C10orf90: variants seen among roughly 807,000 people sequenced by gnomAD.
C10orf90 encodes the protein (E2-independent) E3 ubiquitin-conjugating enzyme FATS.
C10orf90 carries 56 observed loss-of-function variants against 62.5 expected under a neutral mutation model. The observed-to-expected ratio is 0.90, with a 90% confidence interval of 0.72 to 1.12. The LOEUF is 1.12. Among genes scored for constraint, C10orf90 ranks in the 50% most tolerant of loss-of-function variants. The probability of loss-of-function intolerance (pLI) is 0.00; values close to 1 mark genes in which losing one functional copy is unlikely to be tolerated. For missense variants in C10orf90, 970 were observed against 880.4 expected (o/e 1.10, Z -1.29); for synonymous variants, 386 against 340.4 (o/e 1.13, Z -1.47).
At chr10:126,558,814 C>A (rs1864836150) in intron 2 of C10orf90, among the ~76,000 whole-genome samples, 1 of 152,240 alleles carries the variant, frequency 6.6e-6, no homozygotes, top group Non-Finnish European at 1.5e-5. Context: ...TCCCAGAGAG[C>A]AAGGGCTGTG....
rs77725627 is a variant in C10orf90, at chr10:126,646,884, T to A, written c.241-247A>T. ...AAAAGAGGGAGGGAGGAAAGGAAAC[T>A]AGAAAAATTCAGCCAACATTGATTT... is the stretch of plus-strand genomic sequence containing the variant. On this transcript the variant is annotated intron_variant, in intron 1 of 9. Coordinates refer to ENST00000488181, the MANE Select transcript of C10orf90 (RefSeq NM_001350921.2). Among the ~76,000 whole-genome samples, 212 of 152,240 alleles carry A rather than the reference T, an allele frequency of 1.4e-3. 4 individuals are homozygous for A. In the East Asian group the frequency reaches 0.038, roughly 28 times the overall value.
intron 2 of C10orf90, among the ~76,000 whole-genome samples, chr10:126,537,550 G>C (rs1248798152): frequency 6.6e-6 from 1 of 152,080 alleles, no homozygotes; most frequent in Non-Finnish European, 1.5e-5. Flanking sequence ...AAAAGCCTCG[G>C]GTCTGAGCTT....
At chr10:126,459,553 CA>C (rs1224454111) in intron 6 of C10orf90, among the ~76,000 whole-genome samples, 2 of 152,314 alleles carry the variant, frequency 1.3e-5, no homozygotes, top group East Asian at 3.9e-4. Context: ...AAAGACGATC[CA>C]AAAGCCCTAC....
intron 2 of C10orf90, among the ~76,000 whole-genome samples, chr10:126,609,642 T>C (rs938207537): frequency 3.9e-5 from 6 of 152,186 alleles, no homozygotes; most frequent in Admixed American, 1.3e-4. Flanking sequence ...GGGTGCATGA[T>C]GGGGTTGAGC....
intron 4 of C10orf90, among the ~76,000 whole-genome samples, chr10:126,482,161 T>C (rs1243034568): frequency 3.9e-5 from 6 of 152,218 alleles, no homozygotes; most frequent in South Asian, 4.1e-4. Context: ...TCCCGTGTCA[T>C]GTAAAACTAG....
At chr10:126,626,800 C>T (rs1342554613) in intron 2 of C10orf90, among the ~76,000 whole-genome samples, 5 of 152,032 alleles carry the variant, frequency 3.3e-5, no homozygotes, top group African/African-American at 4.8e-5. Context: ...GAGCATTCAC[C>T]TTGATTTTTA....
At chr10:126,457,946 G>A (rs1258014293) in intron 7 of C10orf90, among the ~76,000 whole-genome samples, 2 of 152,168 alleles carry the variant, frequency 1.3e-5, no homozygotes, top group Admixed American at 6.5e-5. Flanking sequence ...CCTTTCGTTA[G>A]TATACTGGAA....
At chr10:126,514,972 G>T (rs1271597970) in intron 2 of C10orf90, among the ~76,000 whole-genome samples, 1 of 152,228 alleles carries the variant, frequency 6.6e-6, no homozygotes, top group Non-Finnish European at 1.5e-5. Context: ...TTTTCAAGGG[G>T]CTGTAATAAA....
chr10:126,600,132 CATCGCATGTGTGTGCACAAGTGTGTGCGT>C (rs1221314487), intron 2 of C10orf90, among the ~76,000 whole-genome samples: 2 of 146,746 alleles, frequency 1.4e-5, no homozygotes, highest in South Asian at 2.1e-4. Context: ...CAGGTGTGTG[CATCGCATGTGTGTGCACAAGTGTGTGCGT>C]ATCGCATGTG....
chr10:126,601,686 A>T (rs76680603), intron 2 of C10orf90, among the ~76,000 whole-genome samples: 1,835 of 152,372 alleles, frequency 0.012, 28 homozygotes, highest in African/African-American at 0.042. Flanking sequence ...AGGCTGACTA[A>T]AGTTTCATGC....
chr10:126,426,208 G>T (rs1307541680), intron 8 of C10orf90, 118 bp from the exon 9 acceptor site: 2 of 814,992 alleles, frequency 2.5e-6, no homozygotes, highest in African/African-American at 1.7e-5. Flanking sequence ...GCTGCTTATG[G>T]GCTAGCTCAC....
At chr10:126,565,314 A>C (rs1477848483) in intron 2 of C10orf90, among the ~76,000 whole-genome samples, 3 of 59,808 alleles carry the variant, frequency 5.0e-5, no homozygotes, top group South Asian at 8.5e-4. Flanking sequence ...ATATTATATT[A>C]TATATATTAT....
At chr10:126,544,659 G>A (rs1487208723) in intron 2 of C10orf90, among the ~76,000 whole-genome samples, 1 of 151,976 alleles carries the variant, frequency 6.6e-6, no homozygotes, top group Non-Finnish European at 1.5e-5. Context: ...AGGAATGATA[G>A]ATTTAGAGGA....
chr10:126,432,384 T>C (rs761864905), intron 7 of C10orf90, among the ~76,000 whole-genome samples: 1 of 152,178 alleles, frequency 6.6e-6, no homozygotes, highest in African/African-American at 2.4e-5. Context: ...TAACGAGCAG[T>C]TATGTTGGTA....
chr10:126,466,238 T>C (rs965495693), intron 4 of C10orf90, among the ~76,000 whole-genome samples: 1 of 151,946 alleles, frequency 6.6e-6, no homozygotes, highest in Non-Finnish European at 1.5e-5. Flanking sequence ...TGGGAATCCC[T>C]GGAATAACAA....
chr10:126,636,694 T>C (rs1845958199), intron 2 of C10orf90, among the ~76,000 whole-genome samples: 1 of 152,222 alleles, frequency 6.6e-6, no homozygotes, highest in Non-Finnish European at 1.5e-5. Context: ...ATTTAATTCC[T>C]TGTGTCACTT....
At chr10:126,600,180 CGT>C (rs890991947) in intron 2 of C10orf90, among the ~76,000 whole-genome samples, 4 of 152,062 alleles carry the variant, frequency 2.6e-5, no homozygotes, top group African/African-American at 7.2e-5. Flanking sequence ...TGTGTGCACA[CGT>C]GTGTGTGCAT....
At chr10:126,524,543 G>A (rs532422931) in intron 2 of C10orf90, 510 of 769,650 alleles carry the variant, frequency 6.6e-4, no homozygotes, top group Non-Finnish European at 7.7e-4. Context: ...GCAGCAAGAA[G>A]GTGCACTGGG....
chr10:126,502,774 T>C (rs1175116411), intron 4 of C10orf90: 1 of 519,968 alleles, frequency 1.9e-6, no homozygotes, highest in South Asian at 1.5e-5. Context: ...CTTTAACCAC[T>C]AAAGTGGGAT....
Sources: allele counts gnomAD v4.1 joint callset (sites outside exome capture counted in the v4.1 genomes callset), GRCh38; gene constraint gnomAD v4.1.1; transcripts MANE v1.5; gene names NCBI Gene and HGNC (gene_info 2026-07-23, HGNC 2026-07-21).